Variants in SNRPD3 observed in about 807,000 individuals in gnomAD.
SNRPD3 encodes small nuclear ribonucleoprotein Sm D3.
For synonymous variants in SNRPD3, 66 were observed against 58.4 expected (o/e 1.13, Z -0.59); for missense variants, 73 against 167.5 (o/e 0.44, Z 3.11).
intron 1 of SNRPD3, among the ~76,000 whole-genome samples, chr22:24,557,133 G>A (rs965272237): frequency 6.6e-6 from 1 of 152,182 alleles, no homozygotes; most frequent in Non-Finnish European, 1.5e-5. Flanking sequence ...ATGGCCACTG[G>A]GATTGAGGGA....
chr22:24,556,570 C>T (rs1172956197), intron 1 of SNRPD3, among the ~76,000 whole-genome samples: 2 of 152,182 alleles, frequency 1.3e-5, no homozygotes, highest in South Asian at 2.1e-4. Flanking sequence ...GCAATGGTCC[C>T]CTCATGCTTT....
rs150373402 is a variant in SNRPD3, at chr22:24,560,383, A to G, written c.126+2583A>G. On this transcript the variant is annotated intron_variant, in intron 2 of 3. Coordinates refer to ENST00000215829, the MANE Select transcript of SNRPD3 (RefSeq NM_004175.5). ...GTGATCTGCTCGCCTCGACCTCCCA[A>G]AGTGCTGGGATTACAGATGTGAGCC... 1.1e-3 allele frequency among the ~76,000 whole-genome samples: 166 copies of G among 146,058 alleles called. 5 individuals are homozygous for G. The East Asian group carries it at 0.031, about 28-fold the overall frequency.
intron 3 of SNRPD3, among the ~76,000 whole-genome samples, chr22:24,570,956 T>G (rs2045245102): frequency 1.3e-5 from 2 of 151,814 alleles, no homozygotes; most frequent in African/African-American, 4.8e-5. Context: ...GTAACTGGGA[T>G]TACAGGCGCA....
At chr22:24,570,815 CTTTTTTTTTTTT>C (rs10705174) in intron 3 of SNRPD3, among the ~76,000 whole-genome samples, 2 of 106,660 alleles carry the variant, frequency 1.9e-5, no homozygotes, top group East Asian at 3.1e-4. Context: ...TGAAATAATT[CTTTTTTTTTTTT>C]TTTTTTTTTG....
rs1400936941 is a variant in SNRPD3 at position 24,572,037 on chromosome 22, G to A, written c.*60G>A. On this transcript the variant is annotated 3_prime_UTR_variant, in exon 4 of 4. Transcript: ENST00000215829. ...TTTCAGGTTATCTGAGTTCATTGGAGTGGGTGCTTGTGCATATATGCTAGG... is the reference window on the plus strand; with the variant it reads ...TTTCAGGTTATCTGAGTTCATTGGAATGGGTGCTTGTGCATATATGCTAGG... 4 of 1,604,946 alleles carry A rather than the reference G, an allele frequency of 2.5e-6. No homozygotes were observed. The highest frequency in any genetic ancestry group is 1.3e-5 in the African/African-American group (1 of 74,598).
At position 24,573,145 on chromosome 22, in the gene SNRPD3, A is replaced by G. The variant is rs1361791600; in HGVS notation, c.*1168A>G. Among the ~76,000 whole-genome samples the G allele has an allele frequency of 6.6e-6, 1 of 152,062 alleles. No homozygotes were observed. Among genetic ancestry groups the G allele is most frequent in the African/African-American group, 2.4e-5 (1 of 41,406 alleles). ...CTTGAGCCTGGGAGTATGAGGCTGC[A>G]GTGAGCTATGACCTTGCCACTGTAC... On this transcript the variant is annotated 3_prime_UTR_variant, in exon 4 of 4. Transcript: ENST00000215829.
chr22:24,563,713 A>G (rs2045170005), intron 2 of SNRPD3, among the ~76,000 whole-genome samples: 1 of 141,756 alleles, frequency 7.1e-6, no homozygotes, highest in African/African-American at 2.6e-5. Context: ...GCTCTGCACA[A>G]GCAGACATTG....
intron 2 of SNRPD3, among the ~76,000 whole-genome samples, chr22:24,559,567 A>G (rs576938345): frequency 3.3e-5 from 5 of 152,346 alleles, no homozygotes; most frequent in African/African-American, 9.6e-5. Context: ...GATGCAGTCA[A>G]CATGACACAA....
chr22:24,566,379 C>A (rs1389204501), intron 2 of SNRPD3, among the ~76,000 whole-genome samples: 1 of 152,162 alleles, frequency 6.6e-6, no homozygotes, highest in African/African-American at 2.4e-5. Flanking sequence ...CCAAGTGATC[C>A]TTTCACCTCA....
rs9624499 is a variant in SNRPD3 at position 24,570,196 on chromosome 22, A to G, written c.320-1720A>G. ...GGACCTTTCTCTGGAGTGAGGTCTTATGACCCACAATCAGATTAGGGTCCT... is the reference window on the plus strand; with the variant it reads ...GGACCTTTCTCTGGAGTGAGGTCTTGTGACCCACAATCAGATTAGGGTCCT... On this transcript the variant is annotated intron_variant, in intron 3 of 3. Coordinates refer to ENST00000215829, the MANE Select transcript of SNRPD3 (RefSeq NM_004175.5). Among the ~76,000 whole-genome samples, 696 of 152,352 alleles carry G rather than the reference A, an allele frequency of 4.6e-3. 11 individuals are homozygous for G. The highest frequency in any genetic ancestry group is 0.015 in the African/African-American group (609 of 41,584).
At chr22:24,563,244 A>G (rs6004183) in intron 2 of SNRPD3, among the ~76,000 whole-genome samples, 81 of 128,776 alleles carry the variant, frequency 6.3e-4, no homozygotes, top group African/African-American at 1.4e-3. Context: ...GTGTGTGTGT[A>G]TGTGTGTATG....
intron 2 of SNRPD3, 53 bp from the exon 3 acceptor site, chr22:24,567,931 C>A: frequency 7.0e-7 from 1 of 1,435,398 alleles, no homozygotes; most frequent in Non-Finnish European, 9.6e-7. Context: ...CAAGGCCCTC[C>A]CCACCGCTGG....
chr22:24,564,865 G>A (rs1235533355), intron 2 of SNRPD3, among the ~76,000 whole-genome samples: 1 of 150,744 alleles, frequency 6.6e-6, no homozygotes, highest in Admixed American at 6.6e-5. Flanking sequence ...ACAGCATTTA[G>A]ACATACTTTG....
chr22:24,563,302 ATATAT>A (rs1176388323), intron 2 of SNRPD3, among the ~76,000 whole-genome samples: 4 of 119,232 alleles, frequency 3.4e-5, no homozygotes, highest in African/African-American at 1.6e-4. Context: ...GTATATATAT[ATATAT>A]TTTTTTTTTT....
At chr22:24,565,768 C>A (rs1035435458) in intron 2 of SNRPD3, among the ~76,000 whole-genome samples, 1 of 152,264 alleles carries the variant, frequency 6.6e-6, no homozygotes, top group African/African-American at 2.4e-5. Flanking sequence ...TCAAGTGATT[C>A]TCCTGCCTCA....
Position 24,568,098 on chromosome 22 carries a change from C to T in SNRPD3, c.241C>T (p.Pro81Ser). ...TTTGCCTGACATGCTGAAGAACGCA[C>T]CCATGTTAAAGAGCATGAAAAATAA... ...LILPDMLKNAPMLKSMKNKNQ... is the reference protein window; with the variant it reads ...LILPDMLKNASMLKSMKNKNQ... Residue 81 changes from proline (P) to serine (S), a missense_variant, in exon 3 of 4, where the codon CCC becomes TCC. Physicochemically the swap from Pro to Ser is moderately conservative, Grantham distance 74 (BLOSUM62 -1). Coordinates refer to ENST00000215829, the MANE Select transcript of SNRPD3 (RefSeq NM_004175.5). The T allele has an allele frequency of 6.2e-7, 1 of 1,614,006 alleles. No homozygotes were observed. Among genetic ancestry groups the T allele is most frequent in the Non-Finnish European group, 8.5e-7 (1 of 1,179,918 alleles).
At chr22:24,556,215 A>C (rs2045060018) in intron 1 of SNRPD3, 144 bp downstream of exon 1, 1 of 349,112 alleles carries the variant, frequency 2.9e-6, no homozygotes, top group Non-Finnish European at 5.3e-6. Flanking sequence ...GCGTCGCCTC[A>C]CTAGCTCCTG....
intron 2 of SNRPD3, among the ~76,000 whole-genome samples, chr22:24,560,678 A>C: frequency 7.3e-6 from 1 of 137,144 alleles, no homozygotes. Context: ...CAGCCTCCCA[A>C]GTGCTAGGAT....
At chr22:24,556,124 G>C in intron 1 of SNRPD3, 53 bp downstream of exon 1, 1 of 535,332 alleles carries the variant, frequency 1.9e-6, no homozygotes. Flanking sequence ...GGGGCCAGGG[G>C]CTGGAGAAAG....
Sources: allele counts gnomAD v4.1 joint callset (sites outside exome capture counted in the v4.1 genomes callset), GRCh38; gene constraint gnomAD v4.1.1; transcripts MANE v1.5; gene names NCBI Gene and HGNC (gene_info 2026-07-23, HGNC 2026-07-21).